The following ZNF469 variants were observed in gnomAD, a reference collection of about 807,000 sequenced individuals.
The protein encoded by ZNF469 is zinc finger protein 469.
In ZNF469, 1 loss-of-function variant was observed where a neutral mutation model predicts 1.0. The observed-to-expected ratio is 1.00, with a 90% confidence interval of 0.35 to 4.73. The LOEUF (loss-of-function observed/expected upper bound fraction) is 4.73. Ranked by LOEUF, ZNF469 falls within the 30% of genes most tolerant of loss-of-function variation. ZNF469 has a pLI of 0.16. For synonymous variants in ZNF469, 2,703 were observed against 2,363.4 expected (o/e 1.14, Z -4.17); for missense variants, 6,100 against 5,356.3 (o/e 1.14, Z -4.33).
At chr16:88,299,980 C>A in the ZNF469 span, among the ~76,000 whole-genome samples, 2,863 of 152,268 alleles carry the variant, frequency 0.019, 95 homozygotes, top group African/African-American at 0.065. Flanking sequence ...GGTCTCTCCC[C>A]GGGGAGCCTG....
chr16:88,244,318 T>C, the ZNF469 span, among the ~76,000 whole-genome samples: 1 of 151,196 alleles, frequency 6.6e-6, no homozygotes, highest in African/African-American at 2.4e-5. Context: ...GATGGTTGGA[T>C]GGATGGGTGG....
chr16:88,139,260 T>C, the ZNF469 span, among the ~76,000 whole-genome samples: 107,432 of 151,196 alleles, frequency 0.71, 39,749 homozygotes, highest in Non-Finnish European at 0.81. Context: ...GGATCTGAAA[T>C]CTTTTTGCCC....
chr16:88,324,613 GGCTA>G, the ZNF469 span, among the ~76,000 whole-genome samples: 13 of 152,344 alleles, frequency 8.5e-5, no homozygotes, highest in Admixed American at 2.6e-4. Flanking sequence ...TGCAGAGCAG[GGCTA>G]ACCCACAGGG....
the ZNF469 span, among the ~76,000 whole-genome samples, chr16:88,227,357 C>T: frequency 1.3e-5 from 2 of 152,172 alleles, no homozygotes; most frequent in South Asian, 4.1e-4. Context: ...CCGTCAACCG[C>T]CACTCAGCCG....
chr16:88,422,160 GCA>G (rs1905482595), intron 1 of ZNF469, among the ~76,000 whole-genome samples: 2 of 148,790 alleles, frequency 1.3e-5, no homozygotes, highest in African/African-American at 5.0e-5. Flanking sequence ...GGGTGGATGG[GCA>G]GGTGGATGGG....
the ZNF469 span, among the ~76,000 whole-genome samples, chr16:88,120,784 G>A: frequency 1.3e-5 from 2 of 152,172 alleles, no homozygotes; most frequent in South Asian, 2.1e-4. Context: ...AGAGCTTGTC[G>A]ACGGCGTCTC....
chr16:88,343,485 T>C, the ZNF469 span, among the ~76,000 whole-genome samples: 1 of 152,286 alleles, frequency 6.6e-6, no homozygotes, highest in East Asian at 1.9e-4. Flanking sequence ...TGTGTCTTAG[T>C]CCATTTCTGC....
chr16:88,339,696 GAGGGA>G, the ZNF469 span, among the ~76,000 whole-genome samples: 1 of 86,980 alleles, frequency 1.1e-5, no homozygotes, highest in African/African-American at 4.9e-5. Flanking sequence ...CAGGATGGCA[GAGGGA>G]GGGGGGACAT....
the ZNF469 span, among the ~76,000 whole-genome samples, chr16:88,204,158 A>G: frequency 4.7e-5 from 7 of 150,220 alleles, no homozygotes; most frequent in East Asian, 1.2e-3. Flanking sequence ...GAGCAGCCGG[A>G]GGCGCCCCGT....
the ZNF469 span, among the ~76,000 whole-genome samples, chr16:88,170,920 C>T: frequency 2.0e-5 from 3 of 152,086 alleles, no homozygotes; most frequent in Admixed American, 6.5e-5. This position sits in a 1 kb window ranked among gnomAD's most constrained non-coding sequence, Gnocchi z 4.2. Context: ...CCAGGGGTAG[C>T]GGGGGACAGC....
chr16:88,287,736 ACTT>A, the ZNF469 span, among the ~76,000 whole-genome samples: 48 of 152,072 alleles, frequency 3.2e-4, no homozygotes, highest in Non-Finnish European at 6.5e-4. Flanking sequence ...GTGTGACGCT[ACTT>A]CTTGAAGTTC....
At chr16:88,265,948 G>A in the ZNF469 span, among the ~76,000 whole-genome samples, 10,435 of 152,254 alleles carry the variant, frequency 0.069, 1,179 homozygotes, top group African/African-American at 0.24. Flanking sequence ...GGCCCAGAGG[G>A]GGTGGGATTG....
the ZNF469 span, among the ~76,000 whole-genome samples, chr16:88,153,576 G>C: frequency 1.3e-5 from 2 of 152,268 alleles, no homozygotes; most frequent in African/African-American, 4.8e-5. Flanking sequence ...GTGCAGGCGA[G>C]AAGGTCATAG....
the ZNF469 span, among the ~76,000 whole-genome samples, chr16:88,230,055 C>T: frequency 6.6e-6 from 1 of 152,234 alleles, no homozygotes; most frequent in African/African-American, 2.4e-5. Flanking sequence ...CAGACTGTTT[C>T]CAAAGTCCAG....
chr16:88,114,272 A>C, the ZNF469 span, among the ~76,000 whole-genome samples: 2 of 120,728 alleles, frequency 1.7e-5, no homozygotes, highest in African/African-American at 3.2e-5. Context: ...TCCGGGGAGA[A>C]TGACAGGGAC....
At chr16:88,274,974 C>A in the ZNF469 span, among the ~76,000 whole-genome samples, 4 of 152,202 alleles carry the variant, frequency 2.6e-5, no homozygotes, top group African/African-American at 9.6e-5. Context: ...TGCCAACACT[C>A]TGATTTAAAA....
chr16:88,384,823 C>G (rs2092533676), intron 1 of ZNF469, among the ~76,000 whole-genome samples: 1 of 152,138 alleles, frequency 6.6e-6, no homozygotes, highest in African/African-American at 2.4e-5. Flanking sequence ...TCAACCCCCT[C>G]ATCAGCGCTT....
At chr16:88,232,786 C>A in the ZNF469 span, among the ~76,000 whole-genome samples, 1 of 152,236 alleles carries the variant, frequency 6.6e-6, no homozygotes, top group South Asian at 2.1e-4. Flanking sequence ...TGTCCTTGAA[C>A]AAAGTCAATG....
At chr16:88,142,329 C>T in the ZNF469 span, among the ~76,000 whole-genome samples, 1 of 152,254 alleles carries the variant, frequency 6.6e-6, no homozygotes, top group African/African-American at 2.4e-5. Context: ...GCGAAGGCAC[C>T]TGACCTTCAC....
Sources: allele counts gnomAD v4.1 joint callset (sites outside exome capture counted in the v4.1 genomes callset), GRCh38; gene constraint gnomAD v4.1.1; non-coding constraint Gnocchi (gnomAD v3.1); transcripts MANE v1.5; gene names NCBI Gene and HGNC (gene_info 2026-07-23, HGNC 2026-07-21).